Variants in ERC2 observed in about 807,000 individuals in gnomAD.
The protein encoded by ERC2 is ERC protein 2.
Under a neutral mutation model 114.8 loss-of-function variants are expected in ERC2, and 42 were observed. That is an observed-to-expected ratio of 0.37 (90% CI 0.29 to 0.47). The LOEUF is 0.47. Among genes scored for constraint, ERC2 ranks in the 20% least tolerant of loss-of-function variants. ERC2 has a pLI of 0.99. For synonymous variants in ERC2, 454 were observed against 425.5 expected (o/e 1.07, Z -0.82); for missense variants, 939 against 1,150.7 (o/e 0.82, Z 2.66).
At position 55,755,656 on chromosome 3, in the gene ERC2, C is replaced by T. The variant is rs2067004525; in HGVS notation, c.2565-20738G>A. Among the ~76,000 whole-genome samples the T allele has an allele frequency of 2.6e-5, 4 of 152,264 alleles. No homozygotes were observed. In the South Asian group the frequency reaches 8.3e-4, roughly 32 times the overall value. Reference sequence around the variant, plus strand: ...TACTTGCAAAGCAGCCCCCTTTGAACACTGAATCATGGGAGGCATTTGTAA... The same window carrying T: ...TACTTGCAAAGCAGCCCCCTTTGAATACTGAATCATGGGAGGCATTTGTAA... On this transcript the variant is annotated intron_variant, in intron 14 of 17. Coordinates refer to ENST00000288221, the MANE Select transcript of ERC2 (RefSeq NM_015576.3).
intron 13 of ERC2, among the ~76,000 whole-genome samples, chr3:55,942,524 C>G (rs1270189632): frequency 6.6e-6 from 1 of 150,626 alleles, no homozygotes; most frequent in African/African-American, 2.4e-5. Context: ...GTCTCGATCT[C>G]CTGACCTCGT....
At chr3:55,518,046 G>A (rs1293169080) in intron 17 of ERC2, among the ~76,000 whole-genome samples, 1 of 152,066 alleles carries the variant, frequency 6.6e-6, no homozygotes, top group Admixed American at 6.5e-5. Flanking sequence ...CCTGTGCATG[G>A]TAGGATGTTT....
At chr3:56,078,750 C>T (rs1220373789) in intron 7 of ERC2, among the ~76,000 whole-genome samples, 1 of 151,928 alleles carries the variant, frequency 6.6e-6, no homozygotes, top group East Asian at 1.9e-4. Flanking sequence ...ATTTATTAAG[C>T]ATTTAGTATC....
At chr3:56,157,194 A>C (rs2081776934) in intron 4 of ERC2, among the ~76,000 whole-genome samples, 1 of 152,222 alleles carries the variant, frequency 6.6e-6, no homozygotes. Flanking sequence ...TGCTGTCCAC[A>C]GGCCAACCTC....
chr3:56,040,781 G>T (rs1470055339), intron 7 of ERC2, among the ~76,000 whole-genome samples: 2 of 45,124 alleles, frequency 4.4e-5, no homozygotes, highest in African/African-American at 5.7e-5. Context: ...TATATATAGA[G>T]ATATATATAG....
chr3:55,678,988 C>G (rs2061936267), intron 17 of ERC2, among the ~76,000 whole-genome samples: 1 of 152,308 alleles, frequency 6.6e-6, no homozygotes, highest in African/African-American at 2.4e-5. Context: ...CATGGAACAG[C>G]CTCTACTTCT....
rs140097883 is a variant in ERC2 at position 55,927,796 on chromosome 3, T to G, written c.2403+22629A>C. On this transcript the variant is annotated intron_variant, in intron 13 of 17. Coordinates refer to ENST00000288221, the MANE Select transcript of ERC2 (RefSeq NM_015576.3). Reference sequence around the variant, plus strand: ...CTGGTAACCATCCTTCTACTCTCTATCTCCATGAGTTTCACTGTTTTAATT... The same window carrying G: ...CTGGTAACCATCCTTCTACTCTCTAGCTCCATGAGTTTCACTGTTTTAATT... 1.1e-3 allele frequency among the ~76,000 whole-genome samples: 167 copies of G among 152,218 alleles called. 3 individuals carry two copies. In the East Asian group the frequency reaches 0.027, roughly 25 times the overall value.
chr3:55,911,926 A>G (rs2149364952), intron 13 of ERC2, among the ~76,000 whole-genome samples: 1 of 152,340 alleles, frequency 6.6e-6, no homozygotes. Flanking sequence ...GGTGCTCTAT[A>G]CAGACCACAG....
intron 17 of ERC2, among the ~76,000 whole-genome samples, chr3:55,638,973 A>G (rs936316503): frequency 6.6e-6 from 1 of 152,210 alleles, no homozygotes; most frequent in African/African-American, 2.4e-5. Context: ...GTACCTGGTA[A>G]AAGCACTACC....
chr3:56,133,505 C>G (rs2080325688), intron 6 of ERC2, among the ~76,000 whole-genome samples: 1 of 152,068 alleles, frequency 6.6e-6, no homozygotes, highest in African/African-American at 2.4e-5. Context: ...ATGAAGAAAG[C>G]CCTCAGTCCA....
At chr3:56,151,180 C>T (rs1369023532) in intron 4 of ERC2, among the ~76,000 whole-genome samples, 1 of 152,236 alleles carries the variant, frequency 6.6e-6, no homozygotes, top group Non-Finnish European at 1.5e-5. Context: ...AATTTTCATG[C>T]CTCAGCCTCC....
intron 14 of ERC2, among the ~76,000 whole-genome samples, chr3:55,850,466 A>G (rs2061523687): frequency 6.6e-6 from 1 of 152,196 alleles, no homozygotes; most frequent in African/African-American, 2.4e-5. Context: ...GAAGAAGATA[A>G]AGACATAGGA....
chr3:55,720,369 T>C (rs980398706), intron 15 of ERC2, among the ~76,000 whole-genome samples: 12 of 139,300 alleles, frequency 8.6e-5, no homozygotes, highest in African/African-American at 2.9e-4. Flanking sequence ...CACTGCAGCC[T>C]TGACCTCCCA....
chr3:56,258,126 C>CT (rs1477132115), intron 3 of ERC2, among the ~76,000 whole-genome samples: 1 of 152,206 alleles, frequency 6.6e-6, no homozygotes, highest in Non-Finnish European at 1.5e-5. Flanking sequence ...CCCTGCCCTG[C>CT]TGGGTCTCAC....
intron 6 of ERC2, among the ~76,000 whole-genome samples, chr3:56,118,635 T>G (rs751988310): frequency 2.9e-5 from 4 of 139,848 alleles, no homozygotes; most frequent in Non-Finnish European, 4.8e-5. Flanking sequence ...ATATTCCTTT[T>G]CTTTTTTTTT....
intron 15 of ERC2, among the ~76,000 whole-genome samples, chr3:55,733,292 T>TGAGGCCAGCGTTAGC (rs1304105428): frequency 1.7e-4 from 26 of 152,080 alleles, no homozygotes; most frequent in Non-Finnish European, 3.5e-4. Context: ...CTCTGACCCC[T>TGAGGCCAGCGTTAGC]GAGGCCAGCG....
chr3:55,779,180 C>G (rs1220781180), intron 14 of ERC2, among the ~76,000 whole-genome samples: 2 of 151,868 alleles, frequency 1.3e-5, no homozygotes, highest in Non-Finnish European at 2.9e-5. Flanking sequence ...TTTTTGGCTG[C>G]TTAAAAAGTT....
intron 6 of ERC2, among the ~76,000 whole-genome samples, chr3:56,096,500 G>A (rs1228975615): frequency 2.0e-5 from 3 of 152,136 alleles, no homozygotes; most frequent in African/African-American, 7.2e-5. Flanking sequence ...TGGAGAGAAT[G>A]TGGTATGAAG....
rs73086178 is a variant in ERC2 at position 55,964,608 on chromosome 3, C to A, written c.2268-14048G>T. 8.5e-3 allele frequency among the ~76,000 whole-genome samples: 1,301 copies of A among 152,274 alleles called. 6 individuals carry two copies. Among genetic ancestry groups the A allele is most frequent in the Non-Finnish European group, 0.014 (954 of 68,024 alleles). On this transcript the variant is annotated intron_variant, in intron 12 of 17. Transcript: ENST00000288221. ...GAATTAGGTTTCTATTGGTACATAA[C>A]AAATTCCTACAAACTTAGCAGCCTA...
Sources: allele counts gnomAD v4.1 joint callset (sites outside exome capture counted in the v4.1 genomes callset), GRCh38; gene constraint gnomAD v4.1.1; transcripts MANE v1.5; gene names NCBI Gene and HGNC (gene_info 2026-07-23, HGNC 2026-07-21).